Variants in HSD17B3 observed in about 807,000 individuals in gnomAD.
HSD17B3 encodes the protein hydroxysteroid 17-beta dehydrogenase 3, also known as 17-beta-hydroxysteroid dehydrogenase type 3.
In HSD17B3, 29 loss-of-function variants were observed where a neutral mutation model predicts 41.1. The observed-to-expected ratio is 0.71, with a 90% CI of 0.53 to 0.96. HSD17B3 has a LOEUF of 0.96. Ranked by LOEUF, HSD17B3 falls within the 40% of genes least tolerant of loss-of-function variation. The pLI is 0.00. For synonymous variants in HSD17B3, 126 were observed against 145.6 expected (o/e 0.87, Z 0.97); for missense variants, 323 against 374.6 (o/e 0.86, Z 1.14).
intron 2 of HSD17B3, among the ~76,000 whole-genome samples, chr9:96,259,759 C>T (rs1348944779): frequency 2.6e-5 from 4 of 151,926 alleles, no homozygotes; most frequent in African/African-American, 9.7e-5. Flanking sequence ...GAATCTGTCA[C>T]ATAAGAAGCC....
At chr9:96,271,216 A>G (rs916687782) in intron 2 of HSD17B3, among the ~76,000 whole-genome samples, 4 of 152,170 alleles carry the variant, frequency 2.6e-5, no homozygotes, top group African/African-American at 9.7e-5. Context: ...AAACCATTAA[A>G]CAGAATCAAG....
At chr9:96,255,051 T>G (rs1825575028) in intron 2 of HSD17B3, 108 bp from the exon 3 acceptor site, 1 of 927,402 alleles carries the variant, frequency 1.1e-6, no homozygotes, top group African/African-American at 1.6e-5. Flanking sequence ...CAGGGTGACA[T>G]GGTTGCTTCA....
At chr9:96,293,661 ATGTG>A (rs113941501) in intron 2 of HSD17B3, among the ~76,000 whole-genome samples, 3 of 146,274 alleles carry the variant, frequency 2.1e-5, no homozygotes, top group African/African-American at 7.6e-5. Flanking sequence ...CTGTGTGTGT[ATGTG>A]TGTGTGTGTG....
chr9:96,295,355 A>C, intron 2 of HSD17B3, among the ~76,000 whole-genome samples: 1 of 148,630 alleles, frequency 6.7e-6, no homozygotes, highest in East Asian at 2.0e-4. Flanking sequence ...TTTGTTTCAG[A>C]CGAAGTCTCA....
At chr9:96,261,516 C>T (rs940764013) in intron 2 of HSD17B3, among the ~76,000 whole-genome samples, 1 of 152,180 alleles carries the variant, frequency 6.6e-6, no homozygotes, top group African/African-American at 2.4e-5. Context: ...TCTCAAAGCA[C>T]AGAGACCTTG....
At chr9:96,251,750 T>A (rs115454272) in intron 4 of HSD17B3, among the ~76,000 whole-genome samples, 103 of 152,306 alleles carry the variant, frequency 6.8e-4, no homozygotes, top group African/African-American at 2.2e-3. Context: ...GTAAGTTTTT[T>A]AAAAATATAT....
intron 1 of HSD17B3, 50 bp downstream of exon 1, chr9:96,301,901 C>T (rs2130804782): frequency 6.4e-7 from 1 of 1,574,624 alleles, no homozygotes; most frequent in Non-Finnish European, 8.7e-7. Context: ...ATAATAGTAA[C>T]AAGCAGGAAC....
intron 2 of HSD17B3, among the ~76,000 whole-genome samples, chr9:96,256,883 T>C (rs1262747318): frequency 6.6e-6 from 1 of 151,392 alleles, no homozygotes; most frequent in Non-Finnish European, 1.5e-5. Flanking sequence ...ATGTTGGAGG[T>C]GGGGCCTGAT....
At chr9:96,299,118 T>C (rs1827477514) in intron 1 of HSD17B3, among the ~76,000 whole-genome samples, 1 of 152,250 alleles carries the variant, frequency 6.6e-6, no homozygotes, top group Admixed American at 6.5e-5. Flanking sequence ...ATTACAGACA[T>C]ATTTAATGAT....
In HSD17B3 at chr9:96,301,930, T is replaced by C. The variant is rs371391168; in HGVS notation, c.154+21A>G. On this transcript the variant is annotated intron_variant, in intron 1 of 10. Transcript: ENST00000375263. The stretch of plus-strand genomic sequence containing the variant: ...CAGGAACAACAGCAGCAAAAAAACA[T>C]GAGATGGAACACTCCCTTACCTGCC... 8 of 1,609,414 alleles carry C rather than the reference T, an allele frequency of 5.0e-6. No individual in the cohort carries two copies. The African/African-American group carries it at 1.1e-4, about 22-fold the overall frequency.
chr9:96,267,718 A>G (rs552487277), intron 2 of HSD17B3, among the ~76,000 whole-genome samples: 44 of 152,264 alleles, frequency 2.9e-4, no homozygotes, highest in African/African-American at 1.0e-3. Context: ...ATTATGAGAA[A>G]AAAAGGAAGA....
At chr9:96,250,460 G>A (rs193012378) in intron 5 of HSD17B3, 86 of 1,063,490 alleles carry the variant, frequency 8.1e-5, no homozygotes, top group African/African-American at 6.1e-4. Context: ...CAGCAGACTC[G>A]GGGCTTACAC....
At chr9:96,253,969 T>TC (rs1474648725) in intron 3 of HSD17B3, among the ~76,000 whole-genome samples, 2 of 151,680 alleles carry the variant, frequency 1.3e-5, no homozygotes, top group African/African-American at 2.4e-5. Context: ...GTCCCAAATC[T>TC]CCCCCAGGGA....
intron 10 of HSD17B3, chr9:96,239,476 C>T (rs1836349765): frequency 6.6e-6 from 1 of 152,248 alleles, no homozygotes; most frequent in Non-Finnish European, 1.5e-5. Context: ...TGCATGTCTG[C>T]TTTGTAGTGT....
At chr9:96,255,661 A>G (rs1825623701) in intron 2 of HSD17B3, among the ~76,000 whole-genome samples, 1 of 152,022 alleles carries the variant, frequency 6.6e-6, no homozygotes, top group African/African-American at 2.4e-5. Context: ...AAGTGCTGGG[A>G]TTTCAGGCCT....
chr9:96,270,105 G>T (rs1366212529), intron 2 of HSD17B3, among the ~76,000 whole-genome samples: 1 of 152,012 alleles, frequency 6.6e-6, no homozygotes, highest in Non-Finnish European at 1.5e-5. Context: ...ACATAAATGT[G>T]GCATACAGGC....
chr9:96,287,738 A>T (rs956236153), intron 2 of HSD17B3, among the ~76,000 whole-genome samples: 5 of 150,768 alleles, frequency 3.3e-5, no homozygotes, highest in Admixed American at 1.3e-4. Context: ...AATAAATAAA[A>T]TTTTTTAAAA....
At chr9:96,287,457 T>C (rs1407036733) in intron 2 of HSD17B3, among the ~76,000 whole-genome samples, 1 of 152,230 alleles carries the variant, frequency 6.6e-6, no homozygotes, top group Non-Finnish European at 1.5e-5. Flanking sequence ...ACGCCTGTAA[T>C]GCCAGCACTT....
intron 1 of HSD17B3, among the ~76,000 whole-genome samples, chr9:96,300,808 G>A (rs1017722323): frequency 6.6e-6 from 1 of 152,166 alleles, no homozygotes; most frequent in Non-Finnish European, 1.5e-5. Flanking sequence ...ATTGACACCA[G>A]CCAGACCCAG....
Sources: gnomAD v4.1 joint callset for allele counts (sites outside exome capture counted in the v4.1 genomes callset) on GRCh38, gnomAD v4.1.1 for gene constraint, MANE v1.5 for transcripts, NCBI Gene and HGNC (gene_info 2026-07-23, HGNC 2026-07-21) for gene names.